The following IQGAP2 variants were observed in gnomAD, a reference collection of about 807,000 sequenced individuals.
IQGAP2 encodes ras GTPase-activating-like protein IQGAP2.
IQGAP2 carries 173 observed loss-of-function variants against 201.3 expected under a neutral mutation model. The ratio of observed to expected loss-of-function variants is 0.86; its 90% CI spans 0.76 to 0.98. The LOEUF (loss-of-function observed/expected upper bound fraction) is 0.98, where lower values mean the gene tolerates loss of function less well. Ranked by LOEUF, IQGAP2 falls within the 50% of genes least tolerant of loss-of-function variation. IQGAP2 has a pLI of 0.00. For missense variants in IQGAP2, 1,687 were observed against 1,864.8 expected (o/e 0.90, Z 1.76); for synonymous variants, 675 against 673.9 (o/e 1.00, Z -0.03).
At chr5:76,628,592 T>C in intron 14 of IQGAP2, 1 of 359,802 alleles carries the variant, frequency 2.8e-6, no homozygotes, top group Non-Finnish European at 5.5e-6. Flanking sequence ...AAAAATATAT[T>C]TCACTAACCT....
rs113518340 is a variant in IQGAP2 at position 76,455,440 on chromosome 5, C to G, written c.47-6130C>G. 8.7e-4 allele frequency among the ~76,000 whole-genome samples: 101 copies of G among 116,570 alleles called. No individual in the cohort carries two copies. In the Admixed American group the frequency reaches 0.01, roughly 12 times the overall value. The allele number at this position is 116,570 out of a possible 152,430, so 76.5% of individuals were successfully genotyped here. On this transcript the variant is annotated intron_variant, in intron 1 of 35. Transcript: ENST00000274364. ...TGCACTCCAGCCTGGGCAACAAGAG[C>G]GAGACTCTGTCTCAAAAAAAAAAAA...
At chr5:76,468,573 TG>T (rs1223121448) in intron 2 of IQGAP2, among the ~76,000 whole-genome samples, 2 of 152,182 alleles carry the variant, frequency 1.3e-5, no homozygotes, top group Non-Finnish European at 2.9e-5. Context: ...ACTACTGTAG[TG>T]GTCCTTAACT....
intron 2 of IQGAP2, among the ~76,000 whole-genome samples, chr5:76,491,476 T>G (rs1364309833): frequency 9.9e-5 from 15 of 152,128 alleles, no homozygotes; most frequent in African/African-American, 3.4e-4. Flanking sequence ...TTATTATTTT[T>G]TATTTTTTGT....
rs1488030332 is a variant in IQGAP2, at chr5:76,403,375, TGG to T, written c.-170_-169del. On this transcript the variant is annotated 5_prime_UTR_variant, in exon 1 of 36. Coordinates refer to ENST00000274364, the MANE Select transcript of IQGAP2 (RefSeq NM_006633.5). This position sits in a 1 kb window ranked among gnomAD's most constrained non-coding sequence, Gnocchi z 4.8. ...AGTGTCAGCGCGCGGCGGCCGTGGC[TGG>T]CTCTGGCGAGAGAGCACCGAGGGAG... The T allele has an allele frequency of 9.2e-6, 4 of 436,522 alleles. No homozygotes were observed. The highest frequency in any genetic ancestry group is 1.5e-5 in the Non-Finnish European group (4 of 258,926). 27.0% of individuals were successfully genotyped at this position (436,522 alleles called of 1,614,324 possible).
chr5:76,656,381 C>A (rs1382507538), intron 20 of IQGAP2, among the ~76,000 whole-genome samples: 1 of 152,222 alleles, frequency 6.6e-6, no homozygotes, highest in South Asian at 2.1e-4. Flanking sequence ...TGGGGTTTCA[C>A]CGTGTTAGCC....
intron 13 of IQGAP2, among the ~76,000 whole-genome samples, chr5:76,618,962 A>G (rs1223565417): frequency 4.6e-5 from 7 of 152,226 alleles, no homozygotes; most frequent in Non-Finnish European, 1.0e-4. Context: ...TTCAGACAAT[A>G]CTTAATAGAT....
At chr5:76,645,337 T>G (rs749953049) in intron 17 of IQGAP2, among the ~76,000 whole-genome samples, 17 of 152,262 alleles carry the variant, frequency 1.1e-4, no homozygotes, top group Non-Finnish European at 2.2e-4. Context: ...TATAGTAGAA[T>G]GATTTATATC....
intron 1 of IQGAP2, among the ~76,000 whole-genome samples, chr5:76,413,812 T>G (rs1291782268): frequency 6.6e-6 from 1 of 152,204 alleles, no homozygotes; most frequent in East Asian, 1.9e-4. Flanking sequence ...AGGAGCTACT[T>G]GAAATGTGTT....
chr5:76,478,569 G>A (rs1158125380), intron 2 of IQGAP2, among the ~76,000 whole-genome samples: 3 of 151,322 alleles, frequency 2.0e-5, no homozygotes, highest in African/African-American at 4.9e-5. Flanking sequence ...GATTACAGGC[G>A]TGAGCCAGGC....
intron 27 of IQGAP2, among the ~76,000 whole-genome samples, chr5:76,675,820 A>G (rs895826564): frequency 6.6e-6 from 1 of 152,006 alleles, no homozygotes; most frequent in Non-Finnish European, 1.5e-5. Flanking sequence ...TCCTCCTACT[A>G]CAGAAAGTGT....
At chr5:76,567,443 A>G (rs533834801) in intron 3 of IQGAP2, among the ~76,000 whole-genome samples, 89 of 152,348 alleles carry the variant, frequency 5.8e-4, no homozygotes, top group Non-Finnish European at 1.0e-3. Context: ...CAGATCCTCA[A>G]TGTAATAACA....
chr5:76,448,526 C>G (rs1158463240), intron 1 of IQGAP2, among the ~76,000 whole-genome samples: 1 of 152,018 alleles, frequency 6.6e-6, no homozygotes, highest in Non-Finnish European at 1.5e-5. Context: ...ATCTGGAGTA[C>G]CTGAAGACTA....
rs1011367619 is a variant in IQGAP2, at chr5:76,701,289, G to A, written c.4505+76G>A. The A allele has an allele frequency of 4.5e-5, 64 of 1,415,536 alleles. No individual in the cohort carries two copies. The Admixed American group carries it at 1.1e-3, about 23-fold the overall frequency. The allele number at this position is 1,415,536 out of a possible 1,614,324, so 87.7% of individuals were successfully genotyped here. On this transcript the variant is annotated intron_variant, in intron 34 of 35. Coordinates refer to ENST00000274364, the MANE Select transcript of IQGAP2 (RefSeq NM_006633.5). ...GTGGCCTTGGAGAGAGCTCCATTTG[G>A]TCTAGCAAGGCTTAACCTCAATTAC...
intron 2 of IQGAP2, among the ~76,000 whole-genome samples, chr5:76,517,165 A>G (rs1758381027): frequency 6.6e-6 from 1 of 152,170 alleles, no homozygotes; most frequent in South Asian, 2.1e-4. Flanking sequence ...GTTAACACTT[A>G]AAGTATAAAA....
Position 76,652,787 on chromosome 5 carries a change from T to C in IQGAP2, c.2132T>C (p.Met711Thr), listed in dbSNP as rs770392504. 5.0e-6 allele frequency: 8 copies of C among 1,611,748 alleles called. No individual in the cohort carries two copies. The African/African-American group carries it at 8.0e-5, about 16-fold the overall frequency. The change falls in exon 18 of 36, where the codon ATG becomes ACG. Residue 711 changes from methionine (M) to threonine (T), a missense_variant. Coordinates refer to ENST00000274364, the MANE Select transcript of IQGAP2 (RefSeq NM_006633.5). The part of the protein sequence containing the change: ...WKGYKQRKEY[M>T]HRRQTFIDNT... ...GGATATAAACAACGGAAGGAGTATA[T>C]GCACAGGCGGCAAACGTTCATTGAT...
chr5:76,455,247 G>C (rs993546814), intron 1 of IQGAP2, among the ~76,000 whole-genome samples: 1 of 151,918 alleles, frequency 6.6e-6, no homozygotes, highest in Non-Finnish European at 1.5e-5. Flanking sequence ...TCAGGAGTTT[G>C]AGACCTGCCT....
intron 2 of IQGAP2, among the ~76,000 whole-genome samples, chr5:76,518,423 C>G (rs931440546): frequency 6.6e-6 from 1 of 152,128 alleles, no homozygotes; most frequent in Non-Finnish European, 1.5e-5. Context: ...CATCAGATCT[C>G]GTGAGACTTA....
rs574814874 is a variant in IQGAP2 at position 76,590,738 on chromosome 5, G to A, written c.819+152G>A. The A allele has an allele frequency of 4.2e-5, 27 of 649,950 alleles. No homozygotes were observed. In the African/African-American group the frequency reaches 4.4e-4, roughly 11 times the overall value. The allele number at this position is 649,950 out of a possible 1,614,324, so 40.3% of individuals were successfully genotyped here. On this transcript the variant is annotated intron_variant, in intron 8 of 35. Transcript: ENST00000274364. ...GATTTGAATGAAATGTAGCATACAA[G>A]AGGACCATACACTAGGTAAGGCAAT...
chr5:76,636,962 T>C, intron 15 of IQGAP2, 72 bp from the exon 16 acceptor site: 1 of 1,215,396 alleles, frequency 8.2e-7, no homozygotes, highest in Non-Finnish European at 1.1e-6. Context: ...TTATTTTACA[T>C]ATTAAAGAAA....
Sources: gnomAD v4.1 joint callset for allele counts (sites outside exome capture counted in the v4.1 genomes callset) on GRCh38, gnomAD v4.1.1 for gene constraint, Gnocchi (gnomAD v3.1) non-coding constraint, MANE v1.5 for transcripts, NCBI Gene and HGNC (gene_info 2026-07-23, HGNC 2026-07-21) for gene names.